NUP133: variants seen among roughly 807,000 people sequenced by gnomAD.
NUP133 encodes nucleoporin 133.
A neutral mutation model predicts 146.2 loss-of-function variants in NUP133; 66 were observed. The observed-to-expected ratio is 0.45, with a 90% CI of 0.37 to 0.55. The LOEUF is 0.55. Among genes scored for constraint, NUP133 ranks in the 20% least tolerant of loss-of-function variants. The pLI is 0.00. For missense variants in NUP133, 1,277 were observed against 1,374.8 expected (o/e 0.93, Z 1.12); for synonymous variants, 521 against 498.8 (o/e 1.04, Z -0.59).
At chr1:229,490,184 T>G (rs1308598706) in intron 8 of NUP133, 82 bp from the exon 9 acceptor site, 1 of 1,243,864 alleles carries the variant, frequency 8.0e-7, no homozygotes. Context: ...TATGCTTCCA[T>G]ATAACTTAGC....
intron 13 of NUP133, among the ~76,000 whole-genome samples, chr1:229,476,653 G>A (rs187699635): frequency 6.6e-6 from 1 of 152,278 alleles, no homozygotes; most frequent in Non-Finnish European, 1.5e-5. Flanking sequence ...GCTGGGTGTG[G>A]TGGCTTACAC....
intron 12 of NUP133, among the ~76,000 whole-genome samples, chr1:229,481,648 G>A (rs544964255): frequency 1.4e-3 from 202 of 148,078 alleles, no homozygotes; most frequent in African/African-American, 4.8e-3. Flanking sequence ...GCAGTGAGCC[G>A]AGATCACACC....
At position 229,441,713 on chromosome 1, in the gene NUP133, A is replaced by T. The variant is rs985037983; in HGVS notation, c.*191T>A. 4 of 497,240 alleles carry T rather than the reference A, an allele frequency of 8.0e-6. No individual in the cohort carries two copies. Among genetic ancestry groups the T allele is most frequent in the African/African-American group, 7.9e-5 (4 of 50,728 alleles). The allele number at this position is 497,240 out of a possible 1,614,324, so 30.8% of individuals were successfully genotyped here. ...CAACTGACACATTTCAGGTGGAAAA[A>T]ACAAGTCACATAACTGAAAACCAAA... On this transcript the variant is annotated 3_prime_UTR_variant, in exon 26 of 26. Transcript: ENST00000261396.
intron 12 of NUP133, among the ~76,000 whole-genome samples, chr1:229,478,493 C>T (rs929727678): frequency 1.3e-5 from 2 of 152,064 alleles, no homozygotes; most frequent in Non-Finnish European, 2.9e-5. Flanking sequence ...CATACATCCA[C>T]ATCCGTCCGC....
At chr1:229,447,633 C>T (rs917654021) in intron 24 of NUP133, among the ~76,000 whole-genome samples, 3 of 149,210 alleles carry the variant, frequency 2.0e-5, no homozygotes, top group African/African-American at 7.4e-5. Flanking sequence ...AATTGGTCAC[C>T]AACTTTAATC....
At chr1:229,501,857 A>G (rs1013634663) in intron 3 of NUP133, 142 bp downstream of exon 3, 2 of 608,344 alleles carry the variant, frequency 3.3e-6, no homozygotes, top group Non-Finnish European at 5.9e-6. Context: ...ATTATTTCAC[A>G]TCACTATGAA....
chr1:229,450,809 TC>T, intron 22 of NUP133: 1 of 264,792 alleles, frequency 3.8e-6, no homozygotes, highest in Non-Finnish European at 7.2e-6. Context: ...CACTGAAACT[TC>T]TGCCTCCCAG....
intron 4 of NUP133, among the ~76,000 whole-genome samples, chr1:229,500,022 T>G (rs1661757475): frequency 6.6e-6 from 1 of 152,242 alleles, no homozygotes; most frequent in Non-Finnish European, 1.5e-5. Flanking sequence ...TGTGCCATCC[T>G]TATATCCTCA....
In NUP133 at chr1:229,490,125, G is replaced by A. The variant is rs114477046; in HGVS notation, c.1047-23C>T. On this transcript the variant is annotated intron_variant, in intron 8 of 25. Transcript: ENST00000261396. ...TCACTAATCAATAAAAAAGGAAGAT[G>A]TAAAGCCTCTCTAAAAAACAACTTA... 466 of 1,488,602 alleles carry A rather than the reference G, an allele frequency of 3.1e-4. 3 individuals carry two copies. The African/African-American group carries it at 5.4e-3, about 17-fold the overall frequency. The allele number at this position is 1,488,602 out of a possible 1,614,324, so 92.2% of individuals were successfully genotyped here.
chr1:229,499,891 G>A (rs960515150), intron 4 of NUP133, 73 bp from the exon 5 acceptor site: 3 of 1,499,714 alleles, frequency 2.0e-6, no homozygotes, highest in Non-Finnish European at 2.7e-6. Flanking sequence ...TGATGGCAAT[G>A]ATACAAAGAA....
At chr1:229,488,370 T>C (rs1450911388) in intron 9 of NUP133, among the ~76,000 whole-genome samples, 1 of 152,122 alleles carries the variant, frequency 6.6e-6, no homozygotes, top group East Asian at 1.9e-4. Context: ...TGTTTACATA[T>C]AAAATCAGAG....
At chr1:229,501,844 C>T (rs1462133796) in intron 3 of NUP133, among the ~76,000 whole-genome samples, 155 bp downstream of exon 3, 2 of 152,178 alleles carry the variant, frequency 1.3e-5, no homozygotes, top group South Asian at 2.1e-4. Context: ...TGTATGCATG[C>T]TCATTATTTC....
intron 20 of NUP133, among the ~76,000 whole-genome samples, chr1:229,459,061 A>G (rs939692068): frequency 2.6e-5 from 4 of 152,234 alleles, no homozygotes; most frequent in African/African-American, 9.7e-5. Flanking sequence ...ATACACAGTA[A>G]TAATATATGT....
rs1376141954 is a variant in NUP133, at chr1:229,508,294, A to T, written c.-45T>A. On this transcript the variant is annotated 5_prime_UTR_variant, in exon 1 of 26. Transcript: ENST00000261396. ...TAGGACAGCGAGGGATCTGGCCGTC[A>T]GGTTGCAGCCTGGCCTGCGCGCGGA... 12 of 1,372,958 alleles carry T rather than the reference A, an allele frequency of 8.7e-6. No homozygotes were observed. Among genetic ancestry groups the T allele is most frequent in the Non-Finnish European group, 1.1e-5 (12 of 1,049,468 alleles). The allele number at this position is 1,372,958 out of a possible 1,614,324, so 85.0% of individuals were successfully genotyped here. A position where few individuals can be genotyped will look rare whatever the true frequency, so the allele number is the denominator to read the frequency against.
intron 1 of NUP133, 140 bp downstream of exon 1, chr1:229,507,928 T>C: frequency 7.9e-7 from 1 of 1,262,510 alleles, no homozygotes. Context: ...CCTGCAGCAG[T>C]GGAAAAGGTC....
intron 2 of NUP133, among the ~76,000 whole-genome samples, chr1:229,503,824 CTTTGTTTTA>C (rs1661867124): frequency 6.6e-6 from 1 of 152,126 alleles, no homozygotes; most frequent in African/African-American, 2.4e-5. Context: ...TGACACACCT[CTTTGTTTTA>C]TATATCCTAA....
At chr1:229,490,131 C>A (rs1661470196) in intron 8 of NUP133, 29 bp from the exon 9 acceptor site, 1 of 1,479,216 alleles carries the variant, frequency 6.8e-7, no homozygotes, top group Non-Finnish European at 9.0e-7. Flanking sequence ...AGATGTAAAG[C>A]CTCTCTAAAA....
intron 13 of NUP133, among the ~76,000 whole-genome samples, chr1:229,476,611 C>A (rs1445164225): frequency 6.6e-6 from 1 of 152,046 alleles, no homozygotes; most frequent in African/African-American, 2.4e-5. Flanking sequence ...ACTGATTATG[C>A]CAAAATTATC....
Position 229,498,231 on chromosome 1 carries a change from G to A in NUP133, c.724C>T (p.Gln242Ter). The change falls in exon 6 of 26, where the codon CAG (glutamine) becomes TAG (stop). Residue 242 changes from glutamine to a stop codon, truncating the protein, a stop_gained. Coordinates refer to ENST00000261396, the MANE Select transcript of NUP133 (RefSeq NM_018230.3). LOFTEE classifies it high-confidence loss of function. ...CCTTGCCCCTGAGGCAGGATATGCT[G>A]ATGAATCTTTCCTGAGCTCTCAGGT... The part of the protein sequence containing the change: ...LIPESSGKIH[Q>*]HILPQGQGML... 6.2e-7 allele frequency: 1 copy of A among 1,612,544 alleles called. No individual in the cohort carries two copies.
Sources: allele counts gnomAD v4.1 joint callset (sites outside exome capture counted in the v4.1 genomes callset), GRCh38; gene constraint gnomAD v4.1.1; transcripts MANE v1.5; gene names NCBI Gene and HGNC (gene_info 2026-07-23, HGNC 2026-07-21).